The following COL4A2 variants were observed in gnomAD, a reference collection of about 807,000 sequenced individuals.
The protein encoded by COL4A2 is collagen alpha-2(IV) chain.
COL4A2 carries 99 observed loss-of-function variants against 200.2 expected under a neutral mutation model. The observed-to-expected ratio is 0.49, with a 90% CI of 0.42 to 0.58. The LOEUF is 0.58. Ranked by LOEUF, COL4A2 falls within the 20% of genes least tolerant of loss-of-function variation. The probability of loss-of-function intolerance (pLI) is 0.00; values close to 1 mark genes in which losing one functional copy is unlikely to be tolerated. For missense variants in COL4A2, 1,950 were observed against 2,314.1 expected (o/e 0.84, Z 3.23); for synonymous variants, 897 against 900.6 (o/e 1.00, Z 0.07).
rs537569445 is a variant in COL4A2, at chr13:110,370,250, TTTTTGTTTTG to T, written c.180+12718_180+12727del. ...AGGGTTTTTTTTACTTTTGACAAGTTTTTTGTTTTGTTTTGTTTTGTTTTGTTTTTTGAGA... is the reference window on the plus strand; with the variant it reads ...AGGGTTTTTTTTACTTTTGACAAGTTTTTTGTTTTGTTTTGTTTTTTGAGA... On this transcript the variant is annotated intron_variant, in intron 4 of 47. Transcript: ENST00000360467. Among the ~76,000 whole-genome samples, 51 of 151,800 alleles carry T rather than the reference TTTTTGTTTTG, an allele frequency of 3.4e-4. 1 individual carries two copies. The South Asian group carries it at 6.5e-3, about 19-fold the overall frequency.
At chr13:110,450,580 G>A in intron 20 of COL4A2, 126 bp downstream of exon 20, 1 of 1,104,362 alleles carries the variant, frequency 9.1e-7, no homozygotes, top group Non-Finnish European at 1.3e-6. Context: ...CCAGTGATTA[G>A]GGTGCAGTGG....
intron 6 of COL4A2, among the ~76,000 whole-genome samples, chr13:110,427,102 A>C (rs1880496508): frequency 6.6e-6 from 1 of 152,198 alleles, no homozygotes. Flanking sequence ...CATTCAGGTT[A>C]CGGAGAACTA....
At chr13:110,408,113 T>G (rs375374111) in intron 4 of COL4A2, among the ~76,000 whole-genome samples, 1 of 151,900 alleles carries the variant, frequency 6.6e-6, no homozygotes, top group Non-Finnish European at 1.5e-5. Flanking sequence ...AAAACTCCAA[T>G]GTTGAGCAGA....
At chr13:110,506,133 C>T (rs1387384574) in intron 45 of COL4A2, among the ~76,000 whole-genome samples, 1 of 151,822 alleles carries the variant, frequency 6.6e-6, no homozygotes, top group East Asian at 1.9e-4. Context: ...AAGGGGGCTG[C>T]TCTCTCTCTC....
intron 40 of COL4A2, among the ~76,000 whole-genome samples, chr13:110,498,275 T>C (rs1883527956): frequency 6.6e-6 from 1 of 152,244 alleles, no homozygotes; most frequent in Non-Finnish European, 1.5e-5. Context: ...CAATAAATGT[T>C]TGCTATCTTT....
chr13:110,472,181 T>C (rs1882497114), intron 28 of COL4A2, among the ~76,000 whole-genome samples: 1 of 150,458 alleles, frequency 6.6e-6, no homozygotes, highest in Admixed American at 6.7e-5. Context: ...AGTGGTGCGA[T>C]CTTGGCTCAC....
At chr13:110,460,524 C>T (rs973639996) in intron 22 of COL4A2, among the ~76,000 whole-genome samples, 1 of 152,114 alleles carries the variant, frequency 6.6e-6, no homozygotes, top group Non-Finnish European at 1.5e-5. Context: ...CCGAATATTT[C>T]CCAGAAGCCA....
chr13:110,337,489 C>T (rs1287094714), intron 3 of COL4A2, among the ~76,000 whole-genome samples: 5 of 152,232 alleles, frequency 3.3e-5, no homozygotes, highest in African/African-American at 1.2e-4. Context: ...CAGGAAGCTC[C>T]TGATGGGCAG....
rs149173583 is a variant in COL4A2 at position 110,342,991 on chromosome 13, G to A, written c.100-14481G>A. On this transcript the variant is annotated intron_variant, in intron 3 of 47. Coordinates refer to ENST00000360467, the MANE Select transcript of COL4A2 (RefSeq NM_001846.4). The stretch of plus-strand genomic sequence containing the variant: ...GCTGGCTCCTAAAATTTCACACTCA[G>A]GAGACTCTAAAAATCGTGCTCAAAC... Among the ~76,000 whole-genome samples, 386 of 152,228 alleles carry A rather than the reference G, an allele frequency of 2.5e-3. 4 individuals carry two copies. Among genetic ancestry groups the A allele is most frequent in the Non-Finnish European group, 2.3e-3 (157 of 68,012 alleles).
At chr13:110,349,393 C>T (rs766200495) in intron 3 of COL4A2, among the ~76,000 whole-genome samples, 4 of 152,194 alleles carry the variant, frequency 2.6e-5, no homozygotes, top group South Asian at 2.1e-4. Flanking sequence ...CTAGTGAAGG[C>T]AACACGATAC....
chr13:110,497,388 A>C (rs1184018489), intron 40 of COL4A2, among the ~76,000 whole-genome samples: 1 of 151,758 alleles, frequency 6.6e-6, no homozygotes, highest in Admixed American at 6.6e-5. Flanking sequence ...CCACCAGCAC[A>C]ACCTCCACTC....
chr13:110,327,064 G>A lies in COL4A2; in HGVS notation c.99+18941G>A, dbSNP rs1258101376. Among the ~76,000 whole-genome samples the A allele has an allele frequency of 2.7e-5, 4 of 148,536 alleles. No homozygotes were observed. The East Asian group carries it at 5.8e-4, about 22-fold the overall frequency. On this transcript the variant is annotated intron_variant, in intron 3 of 47. Transcript: ENST00000360467. Reference sequence around the variant, plus strand: ...CCTCTGCCTGTCTCCAGCAGACACCGCTCCCACCCCAGCCCTGTGGTTGCT... The same window carrying A: ...CCTCTGCCTGTCTCCAGCAGACACCACTCCCACCCCAGCCCTGTGGTTGCT...
intron 4 of COL4A2, among the ~76,000 whole-genome samples, chr13:110,393,645 A>C (rs1594188885): frequency 6.6e-6 from 1 of 151,758 alleles, no homozygotes; most frequent in East Asian, 1.9e-4. Context: ...TTTGGAGGCC[A>C]AGGTGGATGG....
chr13:110,434,938 G>A lies in COL4A2; in HGVS notation c.726+496G>A, dbSNP rs56184881. The stretch of plus-strand genomic sequence containing the variant: ...AGACCTCATGGCCTTTGAGAGGAAC[G>A]TGTGAGATCACGTGCATGACAGGCT... On this transcript the variant is annotated intron_variant, in intron 12 of 47. Coordinates refer to ENST00000360467, the MANE Select transcript of COL4A2 (RefSeq NM_001846.4). 9.3e-3 allele frequency among the ~76,000 whole-genome samples: 1,415 copies of A among 152,314 alleles called. 14 individuals are homozygous for A. Among genetic ancestry groups the A allele is most frequent in the Non-Finnish European group, 0.015 (1,029 of 68,034 alleles).
At chr13:110,421,739 A>G (rs1880259519) in intron 4 of COL4A2, among the ~76,000 whole-genome samples, 1 of 152,250 alleles carries the variant, frequency 6.6e-6, no homozygotes, top group Non-Finnish European at 1.5e-5. Flanking sequence ...TTCAGTAAAA[A>G]GAAAAGTTTA....
chr13:110,409,280 T>C (rs571051655), intron 4 of COL4A2, among the ~76,000 whole-genome samples: 40 of 152,198 alleles, frequency 2.6e-4, no homozygotes, highest in Non-Finnish European at 5.1e-4. Context: ...ATCTTACTAA[T>C]ATTACGAAGC....
intron 4 of COL4A2, among the ~76,000 whole-genome samples, chr13:110,392,421 G>A (rs185623495): frequency 1.3e-5 from 2 of 152,180 alleles, no homozygotes; most frequent in African/African-American, 2.4e-5. Context: ...CAGAATACCC[G>A]AAGTCTGCAG....
intron 4 of COL4A2, among the ~76,000 whole-genome samples, chr13:110,423,882 A>G (rs914394297): frequency 6.6e-6 from 1 of 152,162 alleles, no homozygotes; most frequent in Non-Finnish European, 1.5e-5. Flanking sequence ...TCCGTGTCAC[A>G]GCCTAGGTGA....
chr13:110,358,598 C>T (rs1877383579), intron 4 of COL4A2, among the ~76,000 whole-genome samples: 1 of 152,162 alleles, frequency 6.6e-6, no homozygotes, highest in Admixed American at 6.5e-5. Context: ...CAGGTTTGTC[C>T]CCACCAGCAC....
Sources: allele counts gnomAD v4.1 joint callset (sites outside exome capture counted in the v4.1 genomes callset), GRCh38; gene constraint gnomAD v4.1.1; transcripts MANE v1.5; gene names NCBI Gene and HGNC (gene_info 2026-07-23, HGNC 2026-07-21).